The following GTF2IRD1 variants were observed in gnomAD, a reference collection of about 807,000 sequenced individuals.
GTF2IRD1 encodes the protein GTF2I repeat domain containing 1.
A neutral mutation model predicts 113.2 loss-of-function variants in GTF2IRD1; 26 were observed. The ratio of observed to expected loss-of-function variants is 0.23; its 90% confidence interval spans 0.17 to 0.32. The LOEUF is 0.32. Among genes scored for constraint, GTF2IRD1 ranks in the 10% least tolerant of loss-of-function variants. The pLI is 1.00. For synonymous variants in GTF2IRD1, 484 were observed against 529.1 expected, an observed-to-expected ratio of 0.91 and a Z score of 1.17; for missense variants, 864 against 1,280.8, an observed-to-expected ratio of 0.67 and a Z score of 4.97.
intron 1 of GTF2IRD1, among the ~76,000 whole-genome samples, chr7:74,481,740 T>A (rs903308553): frequency 4.6e-5 from 7 of 152,212 alleles, no homozygotes; most frequent in African/African-American, 1.7e-4. Flanking sequence ...ATGTACCAAG[T>A]GAAAGCTTTG....
intron 1 of GTF2IRD1, among the ~76,000 whole-genome samples, chr7:74,482,509 C>T (rs1344764641): frequency 2.6e-5 from 4 of 152,060 alleles, no homozygotes; most frequent in South Asian, 2.1e-4. Context: ...ATTACGGGTG[C>T]GAGCCACTGT....
At chr7:74,599,529 C>T (rs190375969) in intron 25 of GTF2IRD1, among the ~76,000 whole-genome samples, 3 of 152,252 alleles carry the variant, frequency 2.0e-5, no homozygotes, top group East Asian at 3.9e-4. Flanking sequence ...CAGATTCACA[C>T]AGTGATAATA....
At chr7:74,599,633 A>G (rs1272556874) in intron 25 of GTF2IRD1, among the ~76,000 whole-genome samples, 1 of 152,010 alleles carries the variant, frequency 6.6e-6, no homozygotes, top group South Asian at 2.1e-4. Flanking sequence ...GGACCTGTGA[A>G]CTCTCCACTC....
At chr7:74,479,186 G>A (rs1440036235) in intron 1 of GTF2IRD1, among the ~76,000 whole-genome samples, 17 of 152,120 alleles carry the variant, frequency 1.1e-4, no homozygotes, top group Non-Finnish European at 2.5e-4. Flanking sequence ...GTAGCTTCCT[G>A]GGATCCCCCT....
intron 1 of GTF2IRD1, among the ~76,000 whole-genome samples, chr7:74,458,239 G>A (rs1236265553): frequency 1.3e-5 from 2 of 152,128 alleles, no homozygotes; most frequent in African/African-American, 2.4e-5. Context: ...CCCTTAGTGT[G>A]ACTGGAAGGG....
At chr7:74,520,854 T>C (rs1584588040) in intron 6 of GTF2IRD1, among the ~76,000 whole-genome samples, 2 of 142,240 alleles carry the variant, frequency 1.4e-5, no homozygotes, top group Admixed American at 7.0e-5. Context: ...ATTATTATTA[T>C]TATTATTATT....
intron 1 of GTF2IRD1, among the ~76,000 whole-genome samples, chr7:74,496,542 GGT>G (rs1390252972): frequency 2.1e-5 from 3 of 139,546 alleles, no homozygotes; most frequent in Non-Finnish European, 1.5e-5. Flanking sequence ...TGTATGTGTG[GGT>G]GTGTGCGTTT....
chr7:74,499,639 C>T (rs1263120691), intron 1 of GTF2IRD1, among the ~76,000 whole-genome samples: 3 of 151,516 alleles, frequency 2.0e-5, no homozygotes, highest in Non-Finnish European at 4.4e-5. Context: ...AATGCATGCA[C>T]ACACCAAGGA....
At chr7:74,591,655 C>T (rs1802071156) in intron 24 of GTF2IRD1, among the ~76,000 whole-genome samples, 3 of 152,150 alleles carry the variant, frequency 2.0e-5, no homozygotes, top group Admixed American at 2.0e-4. Flanking sequence ...GCTGGGATTA[C>T]AGGCGTGAGC....
chr7:74,559,580 T>TC (rs1554358422), intron 21 of GTF2IRD1, 47 bp from the exon 22 acceptor site: 1 of 1,545,436 alleles, frequency 6.5e-7, no homozygotes, highest in South Asian at 1.2e-5. Flanking sequence ...GTCTTCCTCA[T>TC]CCCCCAGGCC....
chr7:74,537,476 A>ACTACATGCATACACACCTAC, intron 11 of GTF2IRD1, among the ~76,000 whole-genome samples: 1 of 151,934 alleles, frequency 6.6e-6, no homozygotes, highest in East Asian at 1.9e-4. Context: ...ATACATACCT[A>ACTACATGCATACACACCTAC]CTACATGCAT....
At chr7:74,479,991 C>T (rs1241041394) in intron 1 of GTF2IRD1, among the ~76,000 whole-genome samples, 1 of 152,056 alleles carries the variant, frequency 6.6e-6, no homozygotes, top group African/African-American at 2.4e-5. Context: ...AAGTGATCTG[C>T]CCGCCTCGGC....
At chr7:74,598,223 CA>C (rs10716447) in intron 25 of GTF2IRD1, among the ~76,000 whole-genome samples, 71,004 of 148,022 alleles carry the variant, frequency 0.48, 21,120 homozygotes, top group African/African-American at 0.85. Context: ...ACCCTGTTTC[CA>C]AAAAAAAAAG....
intron 1 of GTF2IRD1, among the ~76,000 whole-genome samples, chr7:74,494,813 G>A (rs1795565646): frequency 1.3e-5 from 2 of 152,164 alleles, no homozygotes; most frequent in Non-Finnish European, 2.9e-5. Flanking sequence ...GAGCAGTGGT[G>A]TGATCACAGT....
At chr7:74,529,379 G>A (rs1380913846) in intron 8 of GTF2IRD1, among the ~76,000 whole-genome samples, 1 of 152,104 alleles carries the variant, frequency 6.6e-6, no homozygotes, top group African/African-American at 2.4e-5. Flanking sequence ...TCAGCCTCCC[G>A]AGTAGCTGGG....
chr7:74,457,784 G>A (rs898582510), intron 1 of GTF2IRD1, among the ~76,000 whole-genome samples: 1 of 152,104 alleles, frequency 6.6e-6, no homozygotes, highest in East Asian at 1.9e-4. Context: ...AGGCTTCAGG[G>A]GACACCCATG....
Position 74,535,122 on chromosome 7 carries a change from T to G in GTF2IRD1, c.1284T>G (p.Asp428Glu). The G allele has an allele frequency of 6.2e-7, 1 of 1,613,260 alleles. No individual in the cohort carries two copies. Among genetic ancestry groups the G allele is most frequent in the Non-Finnish European group, 8.5e-7 (1 of 1,179,240 alleles). ...TCTCTTCTCTCCCCAGGATGTTTGATGAGCGAATTTTCACAGGTATGTGGG... is the reference window on the plus strand; with the variant it reads ...TCTCTTCTCTCCCCAGGATGTTTGAGGAGCGAATTTTCACAGGTATGTGGG... ...SIHFIIKRMF[D>E]ERIFTGNKFT... is the part of the protein sequence containing the mutation. Residue 428 changes from aspartate to glutamate, a missense_variant, in exon 10 of 27, where the codon GAT (aspartate) becomes GAG (glutamate). By Grantham distance (45) the Asp-to-Glu change is conservative. Coordinates refer to ENST00000424337, the MANE Select transcript of GTF2IRD1 (RefSeq NM_005685.4).
intron 4 of GTF2IRD1, among the ~76,000 whole-genome samples, chr7:74,516,673 C>T (rs2130198108): frequency 6.6e-6 from 1 of 152,340 alleles, no homozygotes; most frequent in South Asian, 2.1e-4. Context: ...TACCCAGAGG[C>T]CCTGGGTGGT....
chr7:74,540,195 G>A (rs1798552089), intron 14 of GTF2IRD1, among the ~76,000 whole-genome samples: 1 of 152,168 alleles, frequency 6.6e-6, no homozygotes, highest in African/African-American at 2.4e-5. Context: ...TGCCCAGGCT[G>A]GAGTGCAGTG....
Sources: allele counts gnomAD v4.1 joint callset (sites outside exome capture counted in the v4.1 genomes callset), GRCh38; gene constraint gnomAD v4.1.1; transcripts MANE v1.5; gene names NCBI Gene and HGNC (gene_info 2026-07-23, HGNC 2026-07-21).